Variants in FCRL6 observed in about 807,000 individuals in gnomAD.
FCRL6 encodes the protein Fc receptor-like protein 6.
In FCRL6, 50 loss-of-function variants were observed where a neutral mutation model predicts 49.1. That is an observed-to-expected ratio of 1.02 (90% confidence interval 0.81 to 1.29). The LOEUF (loss-of-function observed/expected upper bound fraction) is 1.29. Among genes scored for constraint, FCRL6 ranks in the 50% most tolerant of loss-of-function variants. The pLI, the probability that FCRL6 is intolerant of heterozygous loss-of-function variation, is 0.00. For synonymous variants in FCRL6, 213 were observed against 199.6 expected (o/e 1.07, Z -0.57); for missense variants, 571 against 518.5 (o/e 1.10, Z -0.98).
In FCRL6 at chr1:159,809,530, G is replaced by A. The variant is rs752412653; in HGVS notation, c.733G>A (p.Glu245Lys). The A allele has an allele frequency of 7.4e-6, 12 of 1,614,216 alleles. No homozygotes were observed. The highest frequency in any genetic ancestry group is 1.0e-5 in the Non-Finnish European group (12 of 1,180,036). The change falls in exon 5 of 10, where the codon GAG becomes AAG. Residue 245 changes from glutamate to lysine, a missense_variant. Glu to Lys is a moderately conservative substitution (Grantham distance 56). Transcript: ENST00000368106. ...PPILYSFYLD[E>K]KIVGNHSAPC... The stretch of plus-strand genomic sequence containing the variant: ...GATCCTGTATTCCTTCTACCTTGAT[G>A]AGAAGATTGTGGGGAACCACTCAGC...
rs573251423 is a variant in FCRL6 at position 159,809,745 on chromosome 1, C to T, written c.886+62C>T. On this transcript the variant is annotated intron_variant, in intron 5 of 9. Coordinates refer to ENST00000368106, the MANE Select transcript of FCRL6 (RefSeq NM_001004310.3). ...CAAGCTGGCAGGGGTCAGATCTCAC[C>T]CTCTGTGTACCTCCCATCACGACTG... The T allele has an allele frequency of 2.4e-5, 33 of 1,394,240 alleles. No homozygotes were observed. In the South Asian group the frequency reaches 3.3e-4, roughly 14 times the overall value. 86.4% of individuals were successfully genotyped at this position (1,394,240 alleles called of 1,614,324 possible). A position where few individuals can be genotyped will look rare whatever the true frequency, so the allele number is the denominator to read the frequency against.
intron 2 of FCRL6, 110 bp from the exon 3 acceptor site, chr1:159,808,068 C>A: frequency 3.2e-6 from 4 of 1,235,058 alleles, no homozygotes; most frequent in Non-Finnish European, 4.6e-6. Context: ...ATACCAGTGC[C>A]ATCCAAGGGC....
chr1:159,802,722 T>A (rs867523561), intron 1 of FCRL6, among the ~76,000 whole-genome samples: 91 of 152,172 alleles, frequency 6.0e-4, no homozygotes, highest in African/African-American at 2.1e-3. Context: ...GAAAATCACA[T>A]TACAAAGTCC....
chr1:159,800,998 A>C (rs543936428), upstream of FCRL6, among the ~76,000 whole-genome samples: 1 of 152,350 alleles, frequency 6.6e-6, no homozygotes, highest in Admixed American at 6.5e-5. Context: ...AGCCTGGGCA[A>C]CAGAGCAAGA....
At chr1:159,806,838 C>G (rs551039325) in intron 2 of FCRL6, among the ~76,000 whole-genome samples, 1 of 152,282 alleles carries the variant, frequency 6.6e-6, no homozygotes, top group African/African-American at 2.4e-5. Context: ...CAAGCCTCAG[C>G]AGTGGGACTC....
Position 159,808,256 on chromosome 1 carries a change from A to T in FCRL6, c.131A>T (p.Asn44Ile). The part of the protein sequence containing the change: ...ALTLRCQGWK[N>I]TPLSQVKFYR... ...ACTCTGCGATGTCAGGGATGGAAGA[A>T]TACACCACTGTCTCAGGTGAAGTTC... Residue 44 changes from asparagine (N) to isoleucine (I), a missense_variant, in exon 3 of 10, where the codon AAT becomes ATT. Asn to Ile is a moderately radical substitution (Grantham distance 149). Transcript: ENST00000368106. The T allele has an allele frequency of 6.2e-7, 1 of 1,613,452 alleles. No homozygotes were observed. The highest frequency in any genetic ancestry group is 8.5e-7 in the Non-Finnish European group (1 of 1,179,320).
intron 8 of FCRL6, among the ~76,000 whole-genome samples, chr1:159,814,499 C>T (rs1259717388): frequency 1.3e-5 from 2 of 152,142 alleles, no homozygotes; most frequent in Non-Finnish European, 2.9e-5. Context: ...TCAATGCTAC[C>T]ATGACCACCA....
At chr1:159,803,397 T>C (rs1373513954) in intron 1 of FCRL6, among the ~76,000 whole-genome samples, 1 of 152,254 alleles carries the variant, frequency 6.6e-6, no homozygotes, top group Non-Finnish European at 1.5e-5. Flanking sequence ...AAAGCAAAAC[T>C]GTTCCTAAAT....
chr1:159,811,964 C>A (rs1663112453), intron 6 of FCRL6, among the ~76,000 whole-genome samples: 1 of 152,202 alleles, frequency 6.6e-6, no homozygotes. Flanking sequence ...ACAACTGCCT[C>A]CCTCCCCAGC....
rs754387815 is a variant in FCRL6 at position 159,802,442 on chromosome 1, T to C, written c.18T>C (p.Ala6=). 3.1e-6 allele frequency: 5 copies of C among 1,613,764 alleles called. No homozygotes were observed. Among genetic ancestry groups the C allele is most frequent in the Non-Finnish European group, 4.2e-6 (5 of 1,179,890 alleles). Residue 6 remains alanine (A), a synonymous_variant, in exon 1 of 10, where the codon GCT becomes GCC. Coordinates refer to ENST00000368106, the MANE Select transcript of FCRL6 (RefSeq NM_001004310.3). MLLWT[A]VLLFVPCVGK... is the part of the protein sequence containing the mutation. ...CAGGCCCCATGCTGCTCTGGACGGC[T>C]GTGCTGCTCTTTGGTAAGTCAACGA... is the stretch of plus-strand genomic sequence containing the variant.
intron 1 of FCRL6, among the ~76,000 whole-genome samples, chr1:159,803,334 G>A (rs1000440258): frequency 6.6e-6 from 1 of 152,096 alleles, no homozygotes; most frequent in Non-Finnish European, 1.5e-5. Flanking sequence ...CCTACTTTTT[G>A]TTTAATTCTT....
At chr1:159,803,938 T>C (rs752591116) in intron 1 of FCRL6, among the ~76,000 whole-genome samples, 5 of 152,126 alleles carry the variant, frequency 3.3e-5, no homozygotes, top group Non-Finnish European at 7.4e-5. Flanking sequence ...TCATAATAAA[T>C]TGGTGGCTAT....
At chr1:159,815,380 T>G (rs1222154524) in intron 8 of FCRL6, 48 bp from the exon 9 acceptor site, 1 of 1,594,246 alleles carries the variant, frequency 6.3e-7, no homozygotes, top group Admixed American at 1.7e-5. Flanking sequence ...GGAGATGTAC[T>G]TGCTGTGGAG....
chr1:159,809,943 C>T (rs866825717), intron 5 of FCRL6, 151 bp from the exon 6 acceptor site: 12 of 1,008,484 alleles, frequency 1.2e-5, no homozygotes, highest in Middle Eastern at 5.7e-4. Context: ...GCTGCCATCC[C>T]CTGAGCCATC....
At position 159,809,115 on chromosome 1, in the gene FCRL6, C is replaced by T. The variant is rs148571854; in HGVS notation, c.474C>T (p.Asp158=). Residue 158 remains aspartate (D), a synonymous_variant, in exon 4 of 10, where the codon GAC becomes GAT. Coordinates refer to ENST00000368106, the MANE Select transcript of FCRL6 (RefSeq NM_001004310.3). ...SFHKDGHTLQ[D]RGPHPELCIP... ...ACAAGGACGGCCACACCTTGCAGGA[C>T]AGGGGCCCTCACCCAGAACTCTGCA... 2.2e-3 allele frequency: 3,492 copies of T among 1,614,108 alleles called. 7 individuals are homozygous for T. The highest frequency in any genetic ancestry group is 2.8e-3 in the Non-Finnish European group (3,282 of 1,179,964).
At chr1:159,808,121 G>C in intron 2 of FCRL6, 57 bp from the exon 3 acceptor site, 2 of 1,560,928 alleles carry the variant, frequency 1.3e-6, no homozygotes, top group South Asian at 2.5e-5. Flanking sequence ...GACAGAGGGA[G>C]AGAAGTGACT....
At chr1:159,814,597 T>C (rs542903195) in intron 8 of FCRL6, among the ~76,000 whole-genome samples, 1 of 152,314 alleles carries the variant, frequency 6.6e-6, no homozygotes, top group South Asian at 2.1e-4. Context: ...CTCCACACTG[T>C]TACCATGATA....
chr1:159,813,694 A>G, intron 7 of FCRL6, 140 bp downstream of exon 7: 1 of 718,828 alleles, frequency 1.4e-6, no homozygotes, highest in Non-Finnish European at 2.3e-6. Context: ...AGCTTCTAGA[A>G]AGGGCATGAA....
In FCRL6 at chr1:159,802,380, C is replaced by A. The variant is rs754439126; in HGVS notation, c.-45C>A. 3 of 1,612,030 alleles carry A rather than the reference C, an allele frequency of 1.9e-6. No individual in the cohort carries two copies. Among genetic ancestry groups the A allele is most frequent in the South Asian group, 2.2e-5 (2 of 90,730 alleles). ...TTGCTCTCTGCCGGCTTCGCCCTGACCTGTTTCTGACCTGTGTTCCCTCCG... is the reference window on the plus strand; with the variant it reads ...TTGCTCTCTGCCGGCTTCGCCCTGAACTGTTTCTGACCTGTGTTCCCTCCG... On this transcript the variant is annotated 5_prime_UTR_variant, in exon 1 of 10. Coordinates refer to ENST00000368106, the MANE Select transcript of FCRL6 (RefSeq NM_001004310.3).
Sources: allele counts gnomAD v4.1 joint callset (sites outside exome capture counted in the v4.1 genomes callset), GRCh38; gene constraint gnomAD v4.1.1; transcripts MANE v1.5; gene names NCBI Gene and HGNC (gene_info 2026-07-23, HGNC 2026-07-21).